WDFY3: variants seen among roughly 807,000 people sequenced by gnomAD.
WDFY3 encodes the protein WD repeat and FYVE domain-containing protein 3.
A neutral mutation model predicts 409.6 loss-of-function variants in WDFY3; 66 were observed. The ratio of observed to expected loss-of-function variants is 0.16; its 90% confidence interval spans 0.13 to 0.20. WDFY3 has a LOEUF of 0.20. Among genes scored for constraint, WDFY3 ranks in the 10% least tolerant of loss-of-function variants. The pLI is 1.00. For synonymous variants in WDFY3, 1,521 were observed against 1,537.1 expected (o/e 0.99, Z 0.25); for missense variants, 3,031 against 4,298.1 (o/e 0.71, Z 8.24).
intron 63 of WDFY3, 116 bp downstream of exon 63, chr4:84,683,827 G>C: frequency 9.1e-7 from 1 of 1,102,906 alleles, no homozygotes; most frequent in Non-Finnish European, 1.3e-6. Context: ...GAGCTGGAGC[G>C]AGAGTTCACT....
intron 15 of WDFY3, among the ~76,000 whole-genome samples, chr4:84,805,121 T>C (rs922640670): frequency 6.6e-6 from 1 of 152,178 alleles, no homozygotes; most frequent in African/African-American, 2.4e-5. Flanking sequence ...AAATATTACA[T>C]AAAATTATCT....
At chr4:84,695,123 C>T (rs1729873124) in intron 58 of WDFY3, among the ~76,000 whole-genome samples, 2 of 152,078 alleles carry the variant, frequency 1.3e-5, no homozygotes, top group African/African-American at 4.8e-5. Flanking sequence ...GCAGTTACTT[C>T]TGGTGCACCC....
intron 48 of WDFY3, among the ~76,000 whole-genome samples, chr4:84,717,546 T>C (rs1471205972): frequency 6.6e-6 from 1 of 152,032 alleles, no homozygotes; most frequent in East Asian, 1.9e-4. Context: ...GCTAGGAAAA[T>C]GTTAAAGGAA....
intron 64 of WDFY3, among the ~76,000 whole-genome samples, chr4:84,681,559 A>C (rs1184914921): frequency 1.3e-5 from 2 of 152,228 alleles, no homozygotes; most frequent in African/African-American, 4.8e-5. Flanking sequence ...TATATAGAGA[A>C]GTGACTTGTG....
chr4:84,891,551 T>A (rs1290879530), intron 3 of WDFY3, among the ~76,000 whole-genome samples: 1 of 152,154 alleles, frequency 6.6e-6, no homozygotes, highest in Admixed American at 6.5e-5. Flanking sequence ...AACCACCTAA[T>A]CCACAAGAAT....
intron 4 of WDFY3, among the ~76,000 whole-genome samples, chr4:84,856,694 G>A (rs1759803464): frequency 6.6e-6 from 1 of 152,070 alleles, no homozygotes; most frequent in African/African-American, 2.4e-5. Flanking sequence ...CAAAAATCAT[G>A]CACTGAAATA....
intron 2 of WDFY3, among the ~76,000 whole-genome samples, chr4:84,928,421 C>A (rs1770293941): frequency 6.6e-6 from 1 of 152,108 alleles, no homozygotes; most frequent in African/African-American, 2.4e-5. Flanking sequence ...ATTGACTAAG[C>A]CAATTCCCCT....
intron 44 of WDFY3, among the ~76,000 whole-genome samples, chr4:84,730,775 G>C (rs531551020): frequency 6.6e-6 from 1 of 151,214 alleles, no homozygotes; most frequent in East Asian, 1.9e-4. Flanking sequence ...AACAATAGCT[G>C]ATGAGTTTAA....
chr4:84,712,201 G>C (rs574106501), intron 51 of WDFY3, among the ~76,000 whole-genome samples: 1 of 151,646 alleles, frequency 6.6e-6, no homozygotes, highest in African/African-American at 2.4e-5. Context: ...GCACATGCTT[G>C]TAATCCCAGC....
intron 3 of WDFY3, among the ~76,000 whole-genome samples, chr4:84,873,982 T>C (rs1164536695): frequency 6.6e-6 from 1 of 151,812 alleles, no homozygotes; most frequent in Non-Finnish European, 1.5e-5. Flanking sequence ...AGTTTCGCCA[T>C]GTTGCCCAGG....
At position 84,947,710 on chromosome 4, in the gene WDFY3, CA is replaced by C. The variant is rs1176852063; in HGVS notation, c.-225-15348del. Among the ~76,000 whole-genome samples the C allele has an allele frequency of 3.1e-3, 237 of 77,454 alleles. 3 individuals are homozygous for C. The highest frequency in any genetic ancestry group is 5.5e-3 in the Admixed American group (38 of 6,930). The allele number at this position is 77,454 out of a possible 152,430, so 50.8% of individuals were successfully genotyped here. ...ACATATCAAAAAACCCCACATCTAC[CA>C]AAAAAAAAAAAAAAAAAAACATTAG... On this transcript the variant is annotated intron_variant, in intron 1 of 67. Transcript: ENST00000295888.
Position 84,796,526 on chromosome 4 carries a change from C to T in WDFY3, c.3162G>A (p.Gly1054=). ...AFVEFDTSLE[G]FGCLFLPSLA... is the part of the protein sequence containing the mutation. ...CTTCCTTGCAAATTTCTTACCCAAA[C>T]CCTTCAAGTGATGTGTCAAATTCAA... Residue 1054 remains glycine, a synonymous_variant, in exon 19 of 68, where the codon GGG becomes GGA. Transcript: ENST00000295888. 4.4e-6 allele frequency: 7 copies of T among 1,578,156 alleles called. No individual in the cohort carries two copies. The highest frequency in any genetic ancestry group is 6.0e-6 in the Non-Finnish European group (7 of 1,160,106).
intron 13 of WDFY3, among the ~76,000 whole-genome samples, chr4:84,816,029 GTACT>G (rs969427731): frequency 6.6e-6 from 1 of 151,888 alleles, no homozygotes; most frequent in African/African-American, 2.4e-5. Flanking sequence ...TTGTTTGATT[GTACT>G]TACTTAATTG....
chr4:84,881,124 G>A (rs1763476290), intron 3 of WDFY3, among the ~76,000 whole-genome samples: 1 of 151,918 alleles, frequency 6.6e-6, no homozygotes, highest in Admixed American at 6.6e-5. Context: ...TAATAGCCTT[G>A]TTCAAGATTT....
intron 3 of WDFY3, among the ~76,000 whole-genome samples, chr4:84,868,759 T>A (rs1410962619): frequency 1.3e-5 from 2 of 152,180 alleles, no homozygotes; most frequent in African/African-American, 4.8e-5. Flanking sequence ...CCCACCGCTA[T>A]CTTGGGAGCG....
chr4:84,876,148 T>C (rs1762751888), intron 3 of WDFY3, among the ~76,000 whole-genome samples: 1 of 152,130 alleles, frequency 6.6e-6, no homozygotes, highest in African/African-American at 2.4e-5. Context: ...AACACGTGAG[T>C]TGTGCTTTGT....
intron 3 of WDFY3, among the ~76,000 whole-genome samples, chr4:84,864,244 A>C (rs1340946686): frequency 2.0e-5 from 3 of 151,808 alleles, no homozygotes; most frequent in Non-Finnish European, 4.4e-5. Context: ...GGCACACACC[A>C]GTAGTCCCAG....
chr4:84,864,365 C>CAAAAAAAAAAA (rs35016773), intron 3 of WDFY3, among the ~76,000 whole-genome samples: 10 of 32,524 alleles, frequency 3.1e-4, no homozygotes, highest in East Asian at 7.9e-4. Context: ...GACTCCATCT[C>CAAAAAAAAAAA]AAAAAAAAAA....
rs977112526 is a variant in WDFY3 at position 84,673,051 on chromosome 4, G to A, written c.10458-60C>T. The A allele has an allele frequency of 9.8e-5, 157 of 1,601,728 alleles. No homozygotes were observed. The Admixed American group carries it at 2.5e-3, about 25-fold the overall frequency. Reference sequence around the variant, plus strand: ...TTCTCCATGCTTGATCATGGGCACCGGAAACATTAATAATCGAATGGAAAG... The same window carrying A: ...TTCTCCATGCTTGATCATGGGCACCAGAAACATTAATAATCGAATGGAAAG... On this transcript the variant is annotated intron_variant, in intron 67 of 67. Transcript: ENST00000295888.
Sources: allele counts gnomAD v4.1 joint callset (sites outside exome capture counted in the v4.1 genomes callset), GRCh38; gene constraint gnomAD v4.1.1; transcripts MANE v1.5; gene names NCBI Gene and HGNC (gene_info 2026-07-23, HGNC 2026-07-21).